RNF214: variants seen among roughly 807,000 people sequenced by gnomAD.
RNF214 encodes the protein ring finger protein 214.
RNF214 carries 25 observed loss-of-function variants against 75.9 expected under a neutral mutation model. That is an observed-to-expected ratio of 0.33 (90% confidence interval 0.24 to 0.46). RNF214 has a LOEUF of 0.46. Among genes scored for constraint, RNF214 ranks in the 20% least tolerant of loss-of-function variants. The pLI, the probability that RNF214 is intolerant of heterozygous loss-of-function variation, is 1.00. For synonymous variants in RNF214, 314 were observed against 308.8 expected, an observed-to-expected ratio of 1.02 and a Z score of -0.18; for missense variants, 725 against 857.5, an observed-to-expected ratio of 0.85 and a Z score of 1.93.
chr11:117,270,241 CTTTT>C (rs57144374), intron 6 of RNF214, among the ~76,000 whole-genome samples: 9 of 75,868 alleles, frequency 1.2e-4, no homozygotes, highest in African/African-American at 4.5e-4. Flanking sequence ...CTTTTCTTTT[CTTTT>C]TTTTTTTTTT....
rs781181197 is a variant in RNF214 at position 117,246,966 on chromosome 11, T to A, written c.959+18T>A. The stretch of plus-strand genomic sequence containing the variant: ...GGCAGAAGGTAACTGATGTTAAGAA[T>A]AAAAACCCTGTGTGTATGTATATAT... On this transcript the variant is annotated intron_variant, in intron 6 of 14. Transcript: ENST00000300650. 15 of 1,592,002 alleles carry A rather than the reference T, an allele frequency of 9.4e-6. No individual in the cohort carries two copies. Among genetic ancestry groups the A allele is most frequent in the Non-Finnish European group, 1.2e-5 (14 of 1,170,186 alleles).
At chr11:117,274,851 T>G (rs566594645) in intron 6 of RNF214, among the ~76,000 whole-genome samples, 3 of 152,058 alleles carry the variant, frequency 2.0e-5, no homozygotes, top group African/African-American at 7.2e-5. Context: ...TGTAAATTTT[T>G]TTTTTTTGTA....
intron 6 of RNF214, among the ~76,000 whole-genome samples, chr11:117,271,162 A>G (rs1004188294): frequency 6.6e-6 from 1 of 152,144 alleles, no homozygotes; most frequent in Non-Finnish European, 1.5e-5. Flanking sequence ...AGCCTCCCAA[A>G]GTGCTGGGAT....
intron 6 of RNF214, among the ~76,000 whole-genome samples, chr11:117,260,523 G>A (rs916792676): frequency 6.6e-6 from 1 of 151,960 alleles, no homozygotes; most frequent in Non-Finnish European, 1.5e-5. Flanking sequence ...ACATTACACT[G>A]TCTGCTGGGC....
At chr11:117,273,961 ATGT>A (rs1212440867) in intron 6 of RNF214, among the ~76,000 whole-genome samples, 1 of 152,156 alleles carries the variant, frequency 6.6e-6, no homozygotes, top group Non-Finnish European at 1.5e-5. Context: ...TATAATGTTC[ATGT>A]TGTCTATAGA....
intron 6 of RNF214, among the ~76,000 whole-genome samples, chr11:117,274,665 A>G (rs963729967): frequency 3.0e-5 from 4 of 133,896 alleles, no homozygotes; most frequent in African/African-American, 1.2e-4. Context: ...GACCGTGCCC[A>G]GCCATGGCTC....
intron 6 of RNF214, among the ~76,000 whole-genome samples, chr11:117,276,402 G>A (rs1004929904): frequency 6.6e-6 from 1 of 152,126 alleles, no homozygotes; most frequent in East Asian, 1.9e-4. Context: ...TTGAGTCCAG[G>A]AGTTCCAGAC....
chr11:117,284,806 T>G (rs1032034314), intron 14 of RNF214, among the ~76,000 whole-genome samples: 2 of 152,100 alleles, frequency 1.3e-5, no homozygotes, highest in East Asian at 3.9e-4. Context: ...GGTGAACGCC[T>G]GTAATCCCAG....
At chr11:117,239,248 T>A in intron 3 of RNF214, 137 bp downstream of exon 3, 1 of 770,828 alleles carries the variant, frequency 1.3e-6, no homozygotes, top group Admixed American at 2.6e-5. Context: ...ACCATCATAC[T>A]ACTCTCATAC....
At chr11:117,240,503 C>T (rs1033180719) in intron 4 of RNF214, among the ~76,000 whole-genome samples, 11 of 150,506 alleles carry the variant, frequency 7.3e-5, no homozygotes, top group African/African-American at 2.5e-4. Context: ...AGCTGGCCAA[C>T]GTGGTGAAAC....
At chr11:117,259,107 C>T (rs1477676612) in intron 6 of RNF214, among the ~76,000 whole-genome samples, 1 of 152,140 alleles carries the variant, frequency 6.6e-6, no homozygotes, top group Admixed American at 6.6e-5. Flanking sequence ...CAGATGTGCA[C>T]GATCACGCCC....
At chr11:117,278,775 G>T (rs2034067378) in intron 6 of RNF214, among the ~76,000 whole-genome samples, 1 of 152,198 alleles carries the variant, frequency 6.6e-6, no homozygotes, top group South Asian at 2.1e-4. Context: ...TAGCGAATTA[G>T]TGATTTGCTG....
At chr11:117,265,732 A>C (rs1234803628) in intron 6 of RNF214, among the ~76,000 whole-genome samples, 1 of 152,174 alleles carries the variant, frequency 6.6e-6, no homozygotes, top group Admixed American at 6.5e-5. Context: ...AGTTTTTTTA[A>C]AAAATCAACT....
intron 6 of RNF214, among the ~76,000 whole-genome samples, chr11:117,260,118 T>C (rs181079973): frequency 2.0e-5 from 3 of 151,826 alleles, no homozygotes; most frequent in Non-Finnish European, 4.4e-5. Flanking sequence ...AACATTGGAA[T>C]GTGTGTTTGT....
At position 117,238,673 on chromosome 11, in the gene RNF214, G is replaced by C. The variant is rs1264758268; in HGVS notation, c.180G>C (p.Glu60Asp). Residue 60 changes from glutamate to aspartate, a missense_variant, in exon 3 of 15, where the codon GAG becomes GAC. Physicochemically the swap from Glu to Asp is conservative, Grantham distance 45. This residue lies in a region of RNF214 where 362 missense variants were observed against 344.5 expected (regional missense o/e 1.05). Transcript: ENST00000300650. ...TAAGTAGCCAAACAATAACCAAGGAGAATAACAGAAATGTCCATTTGGAGC... is the reference window on the plus strand; with the variant it reads ...TAAGTAGCCAAACAATAACCAAGGACAATAACAGAAATGTCCATTTGGAGC... ...LSVSSQTITK[E>D]NNRNVHLEHS... 6.2e-7 allele frequency: 1 copy of C among 1,614,148 alleles called. No individual in the cohort carries two copies. The highest frequency in any genetic ancestry group is 2.2e-5 in the East Asian group (1 of 44,890).
At chr11:117,253,226 G>A (rs2033443252) in intron 6 of RNF214, among the ~76,000 whole-genome samples, 1 of 152,174 alleles carries the variant, frequency 6.6e-6, no homozygotes, top group South Asian at 2.1e-4. Flanking sequence ...TGGCCAGGCT[G>A]ATCTCAAACT....
intron 6 of RNF214, among the ~76,000 whole-genome samples, chr11:117,261,865 C>T (rs1296957745): frequency 6.6e-5 from 10 of 151,950 alleles, no homozygotes; most frequent in Non-Finnish European, 1.5e-4. Flanking sequence ...AGGCTGGTCT[C>T]GATCTCCTGA....
chr11:117,274,356 C>CTTTTTTTTTTTTT (rs11461326), intron 6 of RNF214, among the ~76,000 whole-genome samples: 1 of 79,476 alleles, frequency 1.3e-5, no homozygotes, highest in Non-Finnish European at 2.2e-5. Context: ...CAAATGACTT[C>CTTTTTTTTTTTTT]TTTTTTTTTT....
Position 117,254,710 on chromosome 11 carries a change from G to A in RNF214, c.959+7762G>A, listed in dbSNP as rs1253031608. 7.3e-5 allele frequency among the ~76,000 whole-genome samples: 11 copies of A among 151,420 alleles called. No individual in the cohort carries two copies. The East Asian group carries it at 1.2e-3, about 16-fold the overall frequency. On this transcript the variant is annotated intron_variant, in intron 6 of 14. Coordinates refer to ENST00000300650, the MANE Select transcript of RNF214 (RefSeq NM_207343.4). ...ACGATCTCAGCTCACTGCAACCTCC[G>A]CCTCCTGGGTTCAAGTGATTCTCCT... is the stretch of plus-strand genomic sequence containing the variant.
Sources: gnomAD v4.1 joint callset for allele counts (sites outside exome capture counted in the v4.1 genomes callset) on GRCh38, gnomAD v4.1.1 for gene constraint, gnomAD v4.1.1 regional missense constraint, MANE v1.5 for transcripts, NCBI Gene and HGNC (gene_info 2026-07-23, HGNC 2026-07-21) for gene names.